TMC1: variants seen among roughly 807,000 people sequenced by gnomAD.
TMC1 encodes transmembrane channel like 1, also known as transmembrane channel-like protein 1.
A neutral mutation model predicts 105.8 loss-of-function variants in TMC1; 84 were observed. The ratio of observed to expected loss-of-function variants is 0.79; its 90% confidence interval spans 0.67 to 0.95. The LOEUF is 0.95. Ranked by LOEUF, TMC1 falls within the 40% of genes least tolerant of loss-of-function variation. The pLI, the probability that TMC1 is intolerant of heterozygous loss-of-function variation, is 0.00. For synonymous variants in TMC1, 315 were observed against 311.5 expected (o/e 1.01, Z -0.12); for missense variants, 817 against 914.1 (o/e 0.89, Z 1.37).
In TMC1 at chr9:72,696,119, G is replaced by T. The variant is rs113359090; in HGVS notation, c.236+1405G>T. Among the ~76,000 whole-genome samples, 207 of 152,092 alleles carry T rather than the reference G, an allele frequency of 1.4e-3. 1 individual carries two copies. The highest frequency in any genetic ancestry group is 4.8e-3 in the African/African-American group (198 of 41,500). ...TTTGCTTTTCCTCTCTATTTATGCC[G>T]CAAAAAAATCCTTTTAAAAAGATGA... On this transcript the variant is annotated intron_variant, in intron 7 of 23. Coordinates refer to ENST00000297784, the MANE Select transcript of TMC1 (RefSeq NM_138691.3).
chr9:72,641,488 A>G (rs1442832365), intron 4 of TMC1, among the ~76,000 whole-genome samples: 1 of 152,238 alleles, frequency 6.6e-6, no homozygotes, highest in African/African-American at 2.4e-5. Context: ...TAATGGGTCT[A>G]CAAACTCCTG....
intron 2 of TMC1, among the ~76,000 whole-genome samples, chr9:72,586,100 A>T (rs924003534): frequency 1.3e-5 from 2 of 152,218 alleles, no homozygotes; most frequent in Non-Finnish European, 1.5e-5. Flanking sequence ...TATACAGTTT[A>T]GCTGGCATTT....
intron 2 of TMC1, among the ~76,000 whole-genome samples, chr9:72,601,773 T>G (rs1824820235): frequency 6.6e-6 from 1 of 152,182 alleles, no homozygotes; most frequent in Admixed American, 6.5e-5. Context: ...CGCCTGGGCC[T>G]TCAAGGTTAG....
intron 17 of TMC1, among the ~76,000 whole-genome samples, chr9:72,793,385 G>A (rs1043881390): frequency 2.0e-5 from 3 of 152,210 alleles, no homozygotes; most frequent in African/African-American, 7.2e-5. Context: ...CTGGGGGAAA[G>A]TGTGGGCCAT....
chr9:72,567,416 C>G (rs1258582135), intron 1 of TMC1, among the ~76,000 whole-genome samples: 1 of 152,190 alleles, frequency 6.6e-6, no homozygotes, highest in East Asian at 1.9e-4. Context: ...TTAGTCCATT[C>G]TCATGCCACT....
chr9:72,608,292 A>G (rs1415172857), intron 2 of TMC1, among the ~76,000 whole-genome samples: 3 of 152,244 alleles, frequency 2.0e-5, no homozygotes, highest in Non-Finnish European at 4.4e-5. Context: ...TGTCCAGGAT[A>G]TGAAACGGCT....
At chr9:72,670,693 G>A (rs1826115339) in intron 5 of TMC1, among the ~76,000 whole-genome samples, 3 of 152,018 alleles carry the variant, frequency 2.0e-5, no homozygotes, top group South Asian at 4.1e-4. Context: ...ATCAAATCAC[G>A]ACACAGAAGA....
chr9:72,822,639 TTCGTC>T (rs1159837195), intron 20 of TMC1, among the ~76,000 whole-genome samples: 9 of 151,880 alleles, frequency 5.9e-5, no homozygotes, highest in Admixed American at 4.6e-4. Context: ...TGATGAGACA[TTCGTC>T]TCAATAAATT....
chr9:72,773,394 T>C (rs1375513912), intron 13 of TMC1, among the ~76,000 whole-genome samples: 1 of 152,138 alleles, frequency 6.6e-6, no homozygotes, highest in African/African-American at 2.4e-5. Context: ...AAGTGCAAAG[T>C]CACCCTAAGC....
At chr9:72,740,756 ATAT>A (rs1340915773) in intron 9 of TMC1, among the ~76,000 whole-genome samples, 5 of 152,182 alleles carry the variant, frequency 3.3e-5, no homozygotes, top group Non-Finnish European at 7.4e-5. Context: ...AGGAACATAG[ATAT>A]TATTATCTCC....
chr9:72,530,977 C>T (rs368513484), intron 1 of TMC1, among the ~76,000 whole-genome samples: 41 of 151,438 alleles, frequency 2.7e-4, no homozygotes, highest in African/African-American at 7.0e-4. Flanking sequence ...CCTGCCACCA[C>T]GCCCAGCTAA....
chr9:72,626,299 G>C (rs936273495), intron 3 of TMC1, among the ~76,000 whole-genome samples: 1 of 152,152 alleles, frequency 6.6e-6, no homozygotes, highest in Non-Finnish European at 1.5e-5. Flanking sequence ...CTACAGTAAT[G>C]TCATTGATAC....
At chr9:72,631,835 G>A (rs1825457751) in intron 4 of TMC1, among the ~76,000 whole-genome samples, 2 of 152,150 alleles carry the variant, frequency 1.3e-5, no homozygotes, top group African/African-American at 4.8e-5. Flanking sequence ...GCGCATGCAA[G>A]AAGATGGGAT....
In TMC1 at chr9:72,787,431, A is replaced by G. The variant is rs576737432; in HGVS notation, c.885-908A>G. 6.6e-5 allele frequency among the ~76,000 whole-genome samples: 10 copies of G among 152,250 alleles called. No individual in the cohort carries two copies. The South Asian group carries it at 2.1e-3, about 32-fold the overall frequency. On this transcript the variant is annotated intron_variant, in intron 13 of 23. Transcript: ENST00000297784. The stretch of plus-strand genomic sequence containing the variant: ...CAACCTACAATGTCAGCTTTATGTC[A>G]TTGTGCCCCTTTCTTCTTTGGGGTT...
At chr9:72,742,333 G>A (rs1039567995) in intron 9 of TMC1, 111 bp from the exon 10 acceptor site, 2 of 849,858 alleles carry the variant, frequency 2.4e-6, no homozygotes, top group Admixed American at 2.0e-5. Context: ...AGTATTTGCT[G>A]CCAGAGAGAC....
chr9:72,764,247 G>GT (rs2118098595), intron 12 of TMC1, among the ~76,000 whole-genome samples: 1 of 152,212 alleles, frequency 6.6e-6, no homozygotes, highest in African/African-American at 2.4e-5. Flanking sequence ...GCATCTCCCA[G>GT]TATAGGCTGT....
intron 12 of TMC1, among the ~76,000 whole-genome samples, chr9:72,760,065 TC>T (rs939072385): frequency 3.3e-5 from 5 of 152,184 alleles, no homozygotes; most frequent in African/African-American, 1.2e-4. Context: ...TGTTTTTTTT[TC>T]CTAAATTCTT....
At chr9:72,611,652 G>A (rs890481239) in intron 2 of TMC1, among the ~76,000 whole-genome samples, 1 of 152,154 alleles carries the variant, frequency 6.6e-6, no homozygotes, top group African/African-American at 2.4e-5. Context: ...GTAAGAGTAG[G>A]CTTGAGGATT....
At chr9:72,711,062 T>G (rs1383987590) in intron 8 of TMC1, among the ~76,000 whole-genome samples, 1 of 152,196 alleles carries the variant, frequency 6.6e-6, no homozygotes, top group Non-Finnish European at 1.5e-5. Flanking sequence ...ATGATGGTTT[T>G]CAGCTTCATC....
Sources: allele counts gnomAD v4.1 joint callset (sites outside exome capture counted in the v4.1 genomes callset), GRCh38; gene constraint gnomAD v4.1.1; transcripts MANE v1.5; gene names NCBI Gene and HGNC (gene_info 2026-07-23, HGNC 2026-07-21).